The following LDLRAD4 variants were observed in gnomAD, a reference collection of about 807,000 sequenced individuals.
The protein encoded by LDLRAD4 is low density lipoprotein receptor class A domain containing 4, also known as low-density lipoprotein receptor class A domain-containing protein 4.
A neutral mutation model predicts 17.0 loss-of-function variants in LDLRAD4; 5 were observed. That is an observed-to-expected ratio of 0.29 (90% CI 0.15 to 0.62). The LOEUF is 0.62. Among genes scored for constraint, LDLRAD4 ranks in the 20% least tolerant of loss-of-function variants. The probability of loss-of-function intolerance (pLI) is 0.84; values close to 1 mark genes in which losing one functional copy is unlikely to be tolerated. For missense variants in LDLRAD4, 340 were observed against 424.7 expected, an observed-to-expected ratio of 0.80 and a Z score of 1.75; for synonymous variants, 168 against 171.8, an observed-to-expected ratio of 0.98 and a Z score of 0.17.
chr18:13,638,963 G>A (rs4797793), intron 4 of LDLRAD4, among the ~76,000 whole-genome samples: 66,562 of 152,064 alleles, frequency 0.44, 16,407 homozygotes, highest in Middle Eastern at 0.56. Flanking sequence ...GGTCATTAAT[G>A]AACAGCTGGG....
intron 1 of LDLRAD4, among the ~76,000 whole-genome samples, chr18:13,319,585 G>A (rs1213323414): frequency 6.6e-6 from 1 of 152,180 alleles, no homozygotes; most frequent in African/African-American, 2.4e-5. Flanking sequence ...TCATTTTTGT[G>A]TGTGCGTGTT....
chr18:13,598,679 C>T (rs1345656249), intron 3 of LDLRAD4, among the ~76,000 whole-genome samples: 1 of 152,174 alleles, frequency 6.6e-6, no homozygotes, highest in Non-Finnish European at 1.5e-5. Flanking sequence ...TTGAAAGCAC[C>T]CTTACACTTG....
intron 1 of LDLRAD4, among the ~76,000 whole-genome samples, chr18:13,386,728 G>A (rs539276883): frequency 2.0e-5 from 3 of 152,258 alleles, no homozygotes; most frequent in Admixed American, 1.3e-4. Flanking sequence ...TCACTAAAAA[G>A]TTAATGTGGG....
chr18:13,378,512 G>A (rs563021749), intron 1 of LDLRAD4, among the ~76,000 whole-genome samples: 14 of 152,172 alleles, frequency 9.2e-5, no homozygotes, highest in South Asian at 2.1e-4. Context: ...AGGACCCTGC[G>A]TGATGATTTT....
chr18:13,400,061 C>T (rs1340354187), intron 2 of LDLRAD4, among the ~76,000 whole-genome samples: 2 of 152,180 alleles, frequency 1.3e-5, no homozygotes, highest in Non-Finnish European at 2.9e-5. Flanking sequence ...ATTTCTGGGC[C>T]TGGAGAGCCA....
chr18:13,363,597 A>G (rs2083848806), intron 1 of LDLRAD4, among the ~76,000 whole-genome samples: 1 of 152,176 alleles, frequency 6.6e-6, no homozygotes, highest in African/African-American at 2.4e-5. Flanking sequence ...TTTAACTATC[A>G]CATTGTCTTT....
rs1423427670 is a variant in LDLRAD4, at chr18:13,371,487, G to A, written c.-382-15854G>A. ...GCTGAGTACATCAGAACCCACAGTT[G>A]GCCGGGCGCAGTGGCTCAAACCTGT... On this transcript the variant is annotated intron_variant, in intron 1 of 5. Coordinates refer to ENST00000359446, the Ensembl canonical transcript of LDLRAD4. Among the ~76,000 whole-genome samples the A allele has an allele frequency of 4.6e-5, 7 of 152,272 alleles. No homozygotes were observed. In the East Asian group the frequency reaches 1.2e-3, roughly 25 times the overall value.
At position 13,553,529 on chromosome 18, in the gene LDLRAD4, C is replaced by T. The variant is rs371820116; in HGVS notation, c.182-67588C>T. On this transcript the variant is annotated intron_variant, in intron 3 of 5. Coordinates refer to ENST00000359446, the Ensembl canonical transcript of LDLRAD4. ...GTGTTTCTTCTAAGATAATTATTTG[C>T]GTGATTTGAAATCACTTTTTCCTTA... 5.3e-5 allele frequency among the ~76,000 whole-genome samples: 8 copies of T among 152,270 alleles called. No individual in the cohort carries two copies. The South Asian group carries it at 1.0e-3, about 20-fold the overall frequency.
At chr18:13,404,686 T>C (rs182050640) in intron 2 of LDLRAD4, among the ~76,000 whole-genome samples, 32 of 151,876 alleles carry the variant, frequency 2.1e-4, no homozygotes, top group African/African-American at 7.2e-4. Context: ...TAGTCCCAGC[T>C]ACTCGGGAGG....
At chr18:13,437,029 G>A (rs1211158511) in intron 2 of LDLRAD4, among the ~76,000 whole-genome samples, 3 of 152,228 alleles carry the variant, frequency 2.0e-5, no homozygotes, top group Admixed American at 6.5e-5. Context: ...GCCACAGTTC[G>A]CCGCTGAGAG....
At chr18:13,267,916 A>T (rs367566138) in intron 1 of LDLRAD4, among the ~76,000 whole-genome samples, 12 of 152,256 alleles carry the variant, frequency 7.9e-5, no homozygotes, top group East Asian at 5.8e-4. Context: ...TTTTTTAGAG[A>T]TGAGGCTTCA....
intron 3 of LDLRAD4, among the ~76,000 whole-genome samples, chr18:13,602,437 T>C (rs1027581773): frequency 1.2e-4 from 18 of 151,844 alleles, no homozygotes; most frequent in African/African-American, 4.4e-4. Context: ...GGAATCATCA[T>C]TGGTGGTGGG....
chr18:13,650,599 G>A, exon 6 of LDLRAD4: 3 of 383,082 alleles, frequency 7.8e-6, no homozygotes, highest in Non-Finnish European at 1.4e-5. Context: ...TTAAAATGGT[G>A]CTTTTTTCAG....
intron 3 of LDLRAD4, among the ~76,000 whole-genome samples, chr18:13,475,658 G>C (rs1394395201): frequency 6.6e-6 from 1 of 152,150 alleles, no homozygotes; most frequent in Non-Finnish European, 1.5e-5. Flanking sequence ...TAAAACACAA[G>C]AAATCTTGTG....
At chr18:13,494,106 A>C (rs2093413063) in intron 3 of LDLRAD4, among the ~76,000 whole-genome samples, 1 of 152,186 alleles carries the variant, frequency 6.6e-6, no homozygotes, top group South Asian at 2.1e-4. Flanking sequence ...TTTGGGGAGA[A>C]GGAGCAGGGC....
intron 3 of LDLRAD4, chr18:13,462,372 A>G (rs1334402124): frequency 1.3e-5 from 2 of 152,784 alleles, no homozygotes; most frequent in Admixed American, 6.5e-5. Flanking sequence ...ACTGGGGGCC[A>G]CAGGGGGACG....
At chr18:13,249,902 T>A (rs551167424) in intron 1 of LDLRAD4, among the ~76,000 whole-genome samples, 2 of 152,258 alleles carry the variant, frequency 1.3e-5, no homozygotes, top group African/African-American at 4.8e-5. Context: ...AGGTCTTTGA[T>A]GCATTTTGAG....
At chr18:13,289,603 C>T (rs1893978) in intron 1 of LDLRAD4, among the ~76,000 whole-genome samples, 22,662 of 152,178 alleles carry the variant, frequency 0.15, 2,377 homozygotes, top group African/African-American at 0.3. Context: ...AGTTTGCTAG[C>T]TGGCCACTGT....
chr18:13,625,683 G>A (rs1253460424), intron 4 of LDLRAD4, among the ~76,000 whole-genome samples: 1 of 150,690 alleles, frequency 6.6e-6, no homozygotes, highest in Non-Finnish European at 1.5e-5. Flanking sequence ...AGCCGCAGCC[G>A]GCGCCCTCCT....
Sources: gnomAD v4.1 joint callset for allele counts (sites outside exome capture counted in the v4.1 genomes callset) on GRCh38, gnomAD v4.1.1 for gene constraint, MANE v1.5 for transcripts, NCBI Gene and HGNC (gene_info 2026-07-23, HGNC 2026-07-21) for gene names.